NOVA1: variants seen among roughly 807,000 people sequenced by gnomAD.
NOVA1 encodes RNA-binding protein Nova-1.
NOVA1 carries 7 observed loss-of-function variants against 38.0 expected under a neutral mutation model. That is an observed-to-expected ratio of 0.18 (90% CI 0.10 to 0.35). The LOEUF is 0.35. NOVA1 is among the 10% of genes least tolerant of loss of function. NOVA1 has a pLI of 1.00. For synonymous variants in NOVA1, 270 were observed against 232.5 expected (o/e 1.16, Z -1.47); for missense variants, 460 against 616.0 (o/e 0.75, Z 2.68).
chr14:26,477,942 T>C (rs979522265), intron 3 of NOVA1, among the ~76,000 whole-genome samples: 16 of 152,042 alleles, frequency 1.1e-4, no homozygotes, highest in Non-Finnish European at 1.8e-4. Context: ...TTAGATTTAG[T>C]GTTGTCTTTT....
intron 2 of NOVA1, among the ~76,000 whole-genome samples, chr14:26,520,745 G>T (rs772638273): frequency 6.6e-5 from 10 of 152,048 alleles, no homozygotes; most frequent in Non-Finnish European, 1.3e-4. Flanking sequence ...TGGAATCCAA[G>T]AATAATGAAG....
chr14:26,528,563 A>T (rs1253599064), intron 2 of NOVA1, among the ~76,000 whole-genome samples: 2 of 152,158 alleles, frequency 1.3e-5, no homozygotes, highest in African/African-American at 4.8e-5. Context: ...CTGTAGAAAA[A>T]AGAATACCTT....
At position 26,588,028 on chromosome 14, in the gene NOVA1, GA is replaced by G. The variant is rs140572924; in HGVS notation, c.280+7381del. Among the ~76,000 whole-genome samples the G allele has an allele frequency of 3.2e-3, 486 of 151,124 alleles. 8 individuals are homozygous for G. In the East Asian group the frequency reaches 0.05, roughly 16 times the overall value. ...CTGTCATATCCTAGAAGAAATGCAG[GA>G]TTTGAAATCTTTTTAATTAACAAAC... On this transcript the variant is annotated intron_variant, in intron 2 of 4. Coordinates refer to ENST00000539517, the MANE Select transcript of NOVA1 (RefSeq NM_002515.3).
intron 2 of NOVA1, among the ~76,000 whole-genome samples, chr14:26,518,608 G>T (rs1374461904): frequency 6.6e-6 from 1 of 151,956 alleles, no homozygotes; most frequent in African/African-American, 2.4e-5. Flanking sequence ...CCAAATGAGG[G>T]TATTTAGCAT....
At chr14:26,504,892 T>C (rs1450295495) in intron 2 of NOVA1, among the ~76,000 whole-genome samples, 2 of 152,162 alleles carry the variant, frequency 1.3e-5, no homozygotes, top group Non-Finnish European at 2.9e-5. Flanking sequence ...GAAATGTGTG[T>C]ACAAAGGGAA....
At chr14:26,577,847 GCAT>G (rs1164057005) in intron 2 of NOVA1, among the ~76,000 whole-genome samples, 1 of 152,116 alleles carries the variant, frequency 6.6e-6, no homozygotes, top group African/African-American at 2.4e-5. Context: ...GCAGGCAGCT[GCAT>G]CATCAGTGTA....
intron 2 of NOVA1, chr14:26,594,589 A>G (rs1894061272): frequency 1.3e-5 from 2 of 152,112 alleles, no homozygotes; most frequent in Admixed American, 6.5e-5. Context: ...TAGGAAATGT[A>G]CTACTCAATT....
intron 2 of NOVA1, chr14:26,549,331 GTTT>G (rs5807372): frequency 2.2e-4 from 26 of 120,072 alleles, no homozygotes; most frequent in Non-Finnish European, 2.9e-4. Context: ...TGAATTACAA[GTTT>G]TTTTTTTTTT....
chr14:26,463,014 C>T (rs544801025), intron 4 of NOVA1, among the ~76,000 whole-genome samples: 2 of 152,160 alleles, frequency 1.3e-5, no homozygotes, highest in Non-Finnish European at 2.9e-5. Context: ...AAAGATAGGG[C>T]CAAATGTTTC....
At chr14:26,579,085 G>A (rs1408248777) in intron 2 of NOVA1, among the ~76,000 whole-genome samples, 1 of 111,366 alleles carries the variant, frequency 9.0e-6, no homozygotes, top group Non-Finnish European at 1.7e-5. Context: ...TTGAGACAGA[G>A]TCTCACTCTG....
At chr14:26,538,211 C>G (rs978075522) in intron 2 of NOVA1, among the ~76,000 whole-genome samples, 1 of 152,068 alleles carries the variant, frequency 6.6e-6, no homozygotes, top group African/African-American at 2.4e-5. Context: ...TAATCCACAA[C>G]TGAAAAATAC....
intron 2 of NOVA1, among the ~76,000 whole-genome samples, chr14:26,583,715 AT>A (rs1266807687): frequency 1.3e-5 from 2 of 151,550 alleles, no homozygotes; most frequent in African/African-American, 4.8e-5. Flanking sequence ...TGAAATACTT[AT>A]AAATGATGAA....
chr14:26,586,692 C>G (rs188223627), intron 2 of NOVA1, among the ~76,000 whole-genome samples: 1 of 150,928 alleles, frequency 6.6e-6, no homozygotes, highest in South Asian at 2.1e-4. Context: ...CTGCAGAAAT[C>G]TAATCACCAT....
At chr14:26,562,815 C>T (rs749790884) in intron 2 of NOVA1, among the ~76,000 whole-genome samples, 8 of 152,094 alleles carry the variant, frequency 5.3e-5, no homozygotes. Flanking sequence ...CTTTTCTCCC[C>T]CTTGAAGTTC....
chr14:26,492,148 T>C (rs989654491), intron 2 of NOVA1, among the ~76,000 whole-genome samples: 39 of 152,220 alleles, frequency 2.6e-4, no homozygotes, highest in African/African-American at 9.2e-4. Context: ...TAGATGCTAC[T>C]GTAAACGAAA....
intron 1 of NOVA1, 71 bp downstream of exon 1, chr14:26,597,230 G>C: frequency 1.7e-6 from 2 of 1,159,518 alleles, no homozygotes; most frequent in Non-Finnish European, 2.2e-6. Context: ...AGGGAGGGAG[G>C]ACGGCGAGGG....
intron 2 of NOVA1, among the ~76,000 whole-genome samples, chr14:26,507,956 A>C (rs960273692): frequency 1.3e-4 from 20 of 152,202 alleles, no homozygotes; most frequent in African/African-American, 4.3e-4. Flanking sequence ...CCTAAACAAG[A>C]CCATAAGAGT....
chr14:26,520,632 C>A (rs1888803634), intron 2 of NOVA1, among the ~76,000 whole-genome samples: 1 of 152,110 alleles, frequency 6.6e-6, no homozygotes, highest in Non-Finnish European at 1.5e-5. Context: ...GACTCAAATT[C>A]TTTTTATCAC....
chr14:26,524,945 C>A (rs1257502871), intron 2 of NOVA1, among the ~76,000 whole-genome samples: 1 of 152,080 alleles, frequency 6.6e-6, no homozygotes, highest in Non-Finnish European at 1.5e-5. Context: ...TACTACGGCC[C>A]AAAATGTAAT....
Sources: gnomAD v4.1 joint callset for allele counts (sites outside exome capture counted in the v4.1 genomes callset) on GRCh38, gnomAD v4.1.1 for gene constraint, MANE v1.5 for transcripts, NCBI Gene and HGNC (gene_info 2026-07-23, HGNC 2026-07-21) for gene names.